The following PUM1 variants were observed in gnomAD, a reference collection of about 807,000 sequenced individuals.
The protein encoded by PUM1 is pumilio homolog 1.
PUM1 carries 13 observed loss-of-function variants against 131.8 expected under a neutral mutation model. That is an observed-to-expected ratio of 0.10 (90% CI 0.06 to 0.16). PUM1 has a LOEUF of 0.16. PUM1 is among the 10% of genes least tolerant of loss of function. The probability of loss-of-function intolerance (pLI) is 1.00; values close to 1 mark genes in which losing one functional copy is unlikely to be tolerated. For missense variants in PUM1, 961 were observed against 1,512.4 expected, an observed-to-expected ratio of 0.64 and a Z score of 6.05; for synonymous variants, 509 against 556.5, an observed-to-expected ratio of 0.91 and a Z score of 1.20.
chr1:30,967,749 A>G (rs1198906294), intron 11 of PUM1, among the ~76,000 whole-genome samples: 1 of 152,256 alleles, frequency 6.6e-6, no homozygotes, highest in Admixed American at 6.5e-5. Context: ...CTCTATGATC[A>G]GTAAAGGTCC....
chr1:31,063,039 G>A (rs1185483693), intron 1 of PUM1, among the ~76,000 whole-genome samples: 2 of 152,074 alleles, frequency 1.3e-5, no homozygotes, highest in Admixed American at 1.3e-4. Flanking sequence ...GTCATAGCCC[G>A]GTTTCACCAT....
At chr1:31,022,259 TG>T (rs1643056050) in intron 3 of PUM1, among the ~76,000 whole-genome samples, 3 of 152,200 alleles carry the variant, frequency 2.0e-5, no homozygotes, top group African/African-American at 7.2e-5. Context: ...TATTGAAAAG[TG>T]TTACCATTTA....
At chr1:30,965,008 C>A in intron 13 of PUM1, 98 bp from the exon 14 acceptor site, 2 of 975,174 alleles carry the variant, frequency 2.1e-6, no homozygotes, top group Non-Finnish European at 1.6e-6. Context: ...GACTCCTTAC[C>A]ACCGCAAATT....
In PUM1 at chr1:31,016,494, C is replaced by G. The variant is rs1384528330; in HGVS notation, c.433-9392G>C. 2.6e-5 allele frequency among the ~76,000 whole-genome samples: 4 copies of G among 151,998 alleles called. No individual in the cohort carries two copies. The East Asian group carries it at 7.7e-4, about 29-fold the overall frequency. On this transcript the variant is annotated intron_variant, in intron 3 of 21. Coordinates refer to ENST00000426105, the MANE Select transcript of PUM1 (RefSeq NM_001020658.2). ...TTGCATTTATATATATGTATATATT[C>G]ATGGTATTAAAAATAATCTACATAT...
At chr1:31,033,116 A>C (rs1382950677) in intron 2 of PUM1, among the ~76,000 whole-genome samples, 1 of 152,058 alleles carries the variant, frequency 6.6e-6, no homozygotes, top group Non-Finnish European at 1.5e-5. Context: ...TAAAAGGTGG[A>C]AATCTAAATA....
intron 2 of PUM1, among the ~76,000 whole-genome samples, chr1:31,058,427 G>A (rs1644294711): frequency 1.3e-5 from 2 of 152,104 alleles, no homozygotes; most frequent in South Asian, 2.1e-4. Flanking sequence ...TTGGGAGGCC[G>A]AGATGGGTGG....
At chr1:31,005,742 G>A in intron 5 of PUM1, 111 bp downstream of exon 5, 2 of 1,049,602 alleles carry the variant, frequency 1.9e-6, no homozygotes, top group Non-Finnish European at 2.7e-6. Flanking sequence ...AATTAATGCT[G>A]TGAACATCTA....
intron 2 of PUM1, among the ~76,000 whole-genome samples, chr1:31,056,609 CTTTTTTTTTTTTTTTTTTT>C (rs57685772): frequency 1.4e-4 from 6 of 43,688 alleles, no homozygotes; most frequent in Admixed American, 4.0e-4. Flanking sequence ...CTTTTCTTTT[CTTTTTTTTTTTTTTTTTTT>C]TTTTTTTTTT....
chr1:30,959,108 A>T (rs1187371006), intron 14 of PUM1, among the ~76,000 whole-genome samples: 1 of 152,232 alleles, frequency 6.6e-6, no homozygotes, highest in Non-Finnish European at 1.5e-5. Flanking sequence ...TAAGACCTAT[A>T]AGATGTAAAG....
intron 14 of PUM1, among the ~76,000 whole-genome samples, chr1:30,959,069 A>C (rs1199217281): frequency 1.3e-5 from 2 of 152,220 alleles, no homozygotes; most frequent in Non-Finnish European, 2.9e-5. Context: ...ATCAAAACTG[A>C]CTCAAGAAGA....
chr1:30,973,346 A>C (rs1424284677), intron 10 of PUM1, among the ~76,000 whole-genome samples: 5 of 152,068 alleles, frequency 3.3e-5, no homozygotes, highest in Non-Finnish European at 5.9e-5. Context: ...TTCATATATG[A>C]GCAGGGTGTT....
intron 2 of PUM1, among the ~76,000 whole-genome samples, chr1:31,034,865 TA>T (rs1281532710): frequency 6.6e-6 from 1 of 152,098 alleles, no homozygotes; most frequent in Non-Finnish European, 1.5e-5. Flanking sequence ...CAGAACAATA[TA>T]ATCAGAATCG....
At chr1:31,065,437 G>C (rs953116282) in intron 1 of PUM1, among the ~76,000 whole-genome samples, 179 bp downstream of exon 1, 1 of 148,072 alleles carries the variant, frequency 6.8e-6, no homozygotes, top group Admixed American at 6.9e-5. Context: ...TAGGGGCCTT[G>C]CTGCTGACTC....
chr1:30,958,711 CAGTTAT>C (rs1640275475), intron 14 of PUM1, among the ~76,000 whole-genome samples: 1 of 152,070 alleles, frequency 6.6e-6, no homozygotes, highest in Admixed American at 6.6e-5. Context: ...ATGGATGTTT[CAGTTAT>C]AGGTGAGAGT....
chr1:31,058,913 TGAGCCGAGATC>T (rs1644310814), intron 2 of PUM1, among the ~76,000 whole-genome samples: 1 of 151,856 alleles, frequency 6.6e-6, no homozygotes, highest in African/African-American at 2.4e-5. Context: ...GCAGCTGCAG[TGAGCCGAGATC>T]AAGCCGAGAT....
At chr1:30,991,092 A>G (rs972920206) in intron 7 of PUM1, among the ~76,000 whole-genome samples, 1 of 152,140 alleles carries the variant, frequency 6.6e-6, no homozygotes, top group Non-Finnish European at 1.5e-5. Context: ...AGAGAACCAT[A>G]TATTTTTGTT....
intron 1 of PUM1, 65 bp from the exon 2 acceptor site, chr1:31,059,642 T>TA: frequency 6.7e-7 from 1 of 1,497,360 alleles, no homozygotes; most frequent in Non-Finnish European, 9.0e-7. Context: ...CACACTAAGA[T>TA]AAAAACATGA....
At position 30,981,294 on chromosome 1, in the gene PUM1, A is replaced by G. The variant is rs1198539478; in HGVS notation, c.1252+18T>C. 3 of 1,506,942 alleles carry G rather than the reference A, an allele frequency of 2.0e-6. No homozygotes were observed. The highest frequency in any genetic ancestry group is 1.4e-5 in the African/African-American group (1 of 72,004). 93.3% of individuals were successfully genotyped at this position (1,506,942 alleles called of 1,614,324 possible). On this transcript the variant is annotated intron_variant, in intron 8 of 21. Transcript: ENST00000426105. ...CGGCCACACCTATCATGAAAGAGCT[A>G]TGGGCTTAAGGACTTACCGATGTGC... is the stretch of plus-strand genomic sequence containing the variant.
At chr1:31,057,755 GGT>G (rs1420957067) in intron 2 of PUM1, among the ~76,000 whole-genome samples, 4 of 148,376 alleles carry the variant, frequency 2.7e-5, no homozygotes, top group Non-Finnish European at 4.4e-5. Context: ...AAACAACTAT[GGT>G]TCACTTTTGG....
Sources: allele counts gnomAD v4.1 joint callset (sites outside exome capture counted in the v4.1 genomes callset), GRCh38; gene constraint gnomAD v4.1.1; transcripts MANE v1.5; gene names NCBI Gene and HGNC (gene_info 2026-07-23, HGNC 2026-07-21).